The following CDK11B variants were observed in gnomAD, a reference collection of about 807,000 sequenced individuals.
The protein encoded by CDK11B is cyclin dependent kinase 11B.
CDK11B carries 37 observed loss-of-function variants against 84.0 expected under a neutral mutation model. That is an observed-to-expected ratio of 0.44 (90% CI 0.34 to 0.58). CDK11B has a LOEUF of 0.58. CDK11B is among the 20% of genes least tolerant of loss of function. CDK11B has a pLI of 0.02. For missense variants in CDK11B, 427 were observed against 834.0 expected, an observed-to-expected ratio of 0.51 and a Z score of 6.01; for synonymous variants, 269 against 309.8, an observed-to-expected ratio of 0.87 and a Z score of 1.38.
chr1:1,655,022 G>C (rs370571367), intron 3 of CDK11B, among the ~76,000 whole-genome samples: 15 of 152,162 alleles, frequency 9.9e-5, no homozygotes, highest in African/African-American at 3.6e-4. Flanking sequence ...CCTGACCTCA[G>C]CTGATCAGCC....
intron 14 of CDK11B, 46 bp from the exon 15 acceptor site, chr1:1,637,248 C>T: frequency 6.2e-7 from 1 of 1,604,906 alleles, no homozygotes; most frequent in Non-Finnish European, 8.5e-7. Context: ...GCCCCCAGCC[C>T]AGGGCACTCA....
chr1:1,639,337 A>G (rs1335105768), intron 11 of CDK11B, among the ~76,000 whole-genome samples: 7 of 151,586 alleles, frequency 4.6e-5, no homozygotes, highest in Non-Finnish European at 7.4e-5. Context: ...GGATTGTTTG[A>G]GCCTGGGAGG....
chr1:1,637,520 G>A lies in CDK11B; in HGVS notation c.1465-7C>T, dbSNP rs759152916. On this transcript the variant is annotated splice_polypyrimidine_tract_variant and splice_region_variant and intron_variant, in intron 13 of 19. Transcript: ENST00000341832. Reference sequence around the variant, plus strand: ...TGCTGCCCACCACAATCTCCTGCAGGGCACGGCTCTGTGGGTGCTGGGCAC... The same window carrying A: ...TGCTGCCCACCACAATCTCCTGCAGAGCACGGCTCTGTGGGTGCTGGGCAC... 2 of 1,612,966 alleles carry A rather than the reference G, an allele frequency of 1.2e-6. No homozygotes were observed. The highest frequency in any genetic ancestry group is 1.1e-5 in the South Asian group (1 of 90,962).
At chr1:1,657,126 T>G in intron 2 of CDK11B, 2 of 1,203,850 alleles carry the variant, frequency 1.7e-6, no homozygotes, top group South Asian at 2.7e-5. Flanking sequence ...GCTAATGACT[T>G]AACATTCAAC....
In CDK11B at chr1:1,639,460, T is replaced by A. The variant is rs536164156; in HGVS notation, c.1251+817A>T. ...AAGAGTCTCTTTGTCAAACTGGATG[T>A]GTCCCCTGCTTGTACCAGGATGACA... On this transcript the variant is annotated intron_variant, in intron 11 of 19. Coordinates refer to ENST00000341832, the MANE Select transcript of CDK11B (RefSeq NM_033486.3). Among the ~76,000 whole-genome samples, 60 of 151,788 alleles carry A rather than the reference T, an allele frequency of 4.0e-4. 1 individual carries two copies. Among genetic ancestry groups the A allele is most frequent in the Non-Finnish European group, 6.6e-4 (45 of 67,898 alleles).
chr1:1,640,558 T>C, intron 10 of CDK11B, 106 bp from the exon 11 acceptor site: 1 of 1,339,866 alleles, frequency 7.5e-7, no homozygotes, highest in African/African-American at 1.4e-5. Context: ...CGTGTCCCGC[T>C]GGGAGGTGCT....
At chr1:1,652,098 CACAT>C (rs1487671844) in intron 4 of CDK11B, among the ~76,000 whole-genome samples, 13 of 149,204 alleles carry the variant, frequency 8.7e-5, no homozygotes, top group Admixed American at 3.4e-4. Context: ...CGGTCTGTGA[CACAT>C]GCATGCTTTC....
At chr1:1,638,946 T>C (rs1010685873) in intron 11 of CDK11B, among the ~76,000 whole-genome samples, 7 of 147,984 alleles carry the variant, frequency 4.7e-5, no homozygotes, top group African/African-American at 1.8e-4. Context: ...TATTTTTTTT[T>C]TTTTTTTTTT....
chr1:1,640,799 C>T (rs552204130), intron 10 of CDK11B, among the ~76,000 whole-genome samples: 198 of 152,296 alleles, frequency 1.3e-3, no homozygotes, highest in African/African-American at 4.4e-3. Context: ...TGACGGGCCT[C>T]CCCTGTGGGG....
At position 1,654,947 on chromosome 1, in the gene CDK11B, C is replaced by T. The variant is rs192703663; in HGVS notation, c.227+422G>A. Among the ~76,000 whole-genome samples the T allele has an allele frequency of 8.6e-3, 1,313 of 152,194 alleles. 9 individuals are homozygous for T. The highest frequency in any genetic ancestry group is 0.023 in the African/African-American group (935 of 41,510). On this transcript the variant is annotated intron_variant, in intron 3 of 19. Coordinates refer to ENST00000341832, the MANE Select transcript of CDK11B (RefSeq NM_033486.3). ...TGCTGGGATTACAGGCGTGAGCCACCGCGCCCGGCCTTTTTTTCCTTTTAA... is the reference window on the plus strand; with the variant it reads ...TGCTGGGATTACAGGCGTGAGCCACTGCGCCCGGCCTTTTTTTCCTTTTAA...
At chr1:1,652,660 G>A (rs1642159990) in intron 3 of CDK11B, 94 bp from the exon 4 acceptor site, 1 of 877,806 alleles carries the variant, frequency 1.1e-6, no homozygotes, top group Non-Finnish European at 1.6e-6. Flanking sequence ...AAAAATGCAT[G>A]ATTCAGACAG....
chr1:1,655,190 G>C (rs1642579078), intron 3 of CDK11B, among the ~76,000 whole-genome samples, 179 bp downstream of exon 3: 4 of 150,850 alleles, frequency 2.7e-5, no homozygotes, highest in Admixed American at 2.6e-4. Flanking sequence ...GACAACACTT[G>C]AGAGTCAGTC....
At chr1:1,648,930 G>A (rs1557702751) in intron 5 of CDK11B, among the ~76,000 whole-genome samples, 1 of 151,928 alleles carries the variant, frequency 6.6e-6, no homozygotes, top group Non-Finnish European at 1.5e-5. Flanking sequence ...CACCGCGCCC[G>A]GCCGGACATG....
chr1:1,640,178 G>A lies in CDK11B; in HGVS notation c.1251+99C>T, dbSNP rs1252865775. ...CCCAGTGGGCCCAGCAGCCCTGTGA[G>A]GCGACAGACGCCAACACGGGGGCCA... On this transcript the variant is annotated intron_variant, in intron 11 of 19. Coordinates refer to ENST00000341832, the MANE Select transcript of CDK11B (RefSeq NM_033486.3). 8.1e-6 allele frequency: 11 copies of A among 1,356,842 alleles called. No individual in the cohort carries two copies. In the African/African-American group the frequency reaches 1.4e-4, roughly 18 times the overall value. 84.1% of individuals were successfully genotyped at this position (1,356,842 alleles called of 1,614,324 possible).
intron 3 of CDK11B, among the ~76,000 whole-genome samples, chr1:1,653,305 G>A (rs2100980825): frequency 6.6e-6 from 1 of 152,166 alleles, no homozygotes; most frequent in African/African-American, 2.4e-5. Flanking sequence ...TTACAGGTGT[G>A]AGCCACCGCA....
intron 14 of CDK11B, 73 bp from the exon 15 acceptor site, chr1:1,637,275 T>A: frequency 6.3e-7 from 1 of 1,587,170 alleles, no homozygotes; most frequent in Non-Finnish European, 8.6e-7. Context: ...CCCACTCGCC[T>A]CGGCAGCAAC....
chr1:1,651,087 C>A (rs1354572324), intron 4 of CDK11B, among the ~76,000 whole-genome samples: 1 of 152,186 alleles, frequency 6.6e-6, no homozygotes, highest in Non-Finnish European at 1.5e-5. Context: ...ATAATCATGA[C>A]ATTTCAATCG....
chr1:1,637,502 C>T lies in CDK11B; in HGVS notation c.1476G>A (p.Val492=), dbSNP rs774312968. 8.7e-6 allele frequency: 14 copies of T among 1,613,244 alleles called. No individual in the cohort carries two copies. Among genetic ancestry groups the T allele is most frequent in the African/African-American group, 8.0e-5 (6 of 74,834 alleles). ...TGTAGATCTTGTCCATGTTGCTGCCCACCACAATCTCCTGCAGGGCACGGC... is the reference window on the plus strand; with the variant it reads ...TGTAGATCTTGTCCATGTTGCTGCCTACCACAATCTCCTGCAGGGCACGGC... ...PNIVTVREIV[V]GSNMDKIYIV... is the part of the protein sequence containing the mutation. The change falls in exon 14 of 20, where the codon GTG becomes GTA. Residue 492 remains valine, a synonymous_variant. Transcript: ENST00000341832.
Position 1,650,248 on chromosome 1 carries a change from T to C in CDK11B, c.356-611A>G, listed in dbSNP as rs1389424590. On this transcript the variant is annotated intron_variant, in intron 4 of 19. Coordinates refer to ENST00000341832, the MANE Select transcript of CDK11B (RefSeq NM_033486.3). Reference sequence around the variant, plus strand: ...TTGCGCCACTGTACTCCAGCCTGGGTGACAAGCAAGACTCCGTCCCAAAAA... The same window carrying C: ...TTGCGCCACTGTACTCCAGCCTGGGCGACAAGCAAGACTCCGTCCCAAAAA... Among the ~76,000 whole-genome samples the C allele has an allele frequency of 8.8e-4, 74 of 83,966 alleles. 1 individual carries two copies. Among genetic ancestry groups the C allele is most frequent in the Admixed American group, 3.9e-3 (31 of 7,874 alleles). 55.1% of individuals were successfully genotyped at this position (83,966 alleles called of 152,430 possible).
Sources: allele counts gnomAD v4.1 joint callset (sites outside exome capture counted in the v4.1 genomes callset), GRCh38; gene constraint gnomAD v4.1.1; transcripts MANE v1.5; gene names NCBI Gene and HGNC (gene_info 2026-07-23, HGNC 2026-07-21).